Variants in SLC2A10 observed in about 807,000 individuals in gnomAD.
The protein encoded by SLC2A10 is solute carrier family 2, facilitated glucose transporter member 10.
A neutral mutation model predicts 32.1 loss-of-function variants in SLC2A10; 25 were observed. That is an observed-to-expected ratio of 0.78 (90% CI 0.57 to 1.09). The LOEUF (loss-of-function observed/expected upper bound fraction) is 1.09, where lower values mean the gene tolerates loss of function less well. SLC2A10 is among the 50% of genes least tolerant of loss of function. SLC2A10 has a pLI of 0.00. For missense variants in SLC2A10, 673 were observed against 686.5 expected, an observed-to-expected ratio of 0.98 and a Z score of 0.22; for synonymous variants, 332 against 309.6, an observed-to-expected ratio of 1.07 and a Z score of -0.76.
chr20:46,731,248 A>T (rs1376120797), intron 4 of SLC2A10, among the ~76,000 whole-genome samples: 1 of 151,986 alleles, frequency 6.6e-6, no homozygotes, highest in African/African-American at 2.4e-5. Flanking sequence ...TGGCCTAAGG[A>T]GGTGCACCCC....
intron 1 of SLC2A10, among the ~76,000 whole-genome samples, chr20:46,712,665 T>C (rs905043094): frequency 9.0e-5 from 13 of 144,058 alleles, no homozygotes; most frequent in African/African-American, 3.1e-4. Flanking sequence ...TTTTTTTTTT[T>C]TTTTTTTTGA....
At chr20:46,727,316 C>CTTTTTAA (rs1980030142) in intron 3 of SLC2A10, among the ~76,000 whole-genome samples, 1 of 152,070 alleles carries the variant, frequency 6.6e-6, no homozygotes, top group Non-Finnish European at 1.5e-5. Context: ...CTTTTCTTTT[C>CTTTTTAA]TTTTTAATTT....
intron 1 of SLC2A10, among the ~76,000 whole-genome samples, chr20:46,716,616 G>A (rs1311926763): frequency 6.6e-6 from 1 of 151,938 alleles, no homozygotes; most frequent in Non-Finnish European, 1.5e-5. Flanking sequence ...ATTTAAGTGT[G>A]TGAATTAAAA....
intron 1 of SLC2A10, among the ~76,000 whole-genome samples, chr20:46,716,089 C>A (rs1339456617): frequency 2.0e-5 from 3 of 152,054 alleles, no homozygotes; most frequent in African/African-American, 7.2e-5. Context: ...CTTTACCCCC[C>A]TGATGATCAC....
chr20:46,726,180 G>C lies in SLC2A10; in HGVS notation c.1144G>C (p.Asp382His). The change falls in exon 2 of 5, where the codon GAC (aspartate) becomes CAC (histidine). Residue 382 changes from aspartate to histidine, a missense_variant. Coordinates refer to ENST00000359271, the MANE Select transcript of SLC2A10 (RefSeq NM_030777.4). ...AACCAAGCCCCATCCCAGATCTGGA[G>C]ACCCCTCAGCCCCTCCTCGGCTGGC... is the stretch of plus-strand genomic sequence containing the variant. ...KKTKPHPRSG[D>H]PSAPPRLALS... 1 of 1,614,244 alleles carries C rather than the reference G, an allele frequency of 6.2e-7. No homozygotes were observed. Among genetic ancestry groups the C allele is most frequent in the Non-Finnish European group, 8.5e-7 (1 of 1,180,042 alleles).
chr20:46,727,006 G>C lies in SLC2A10; in HGVS notation c.1411+20G>C. 1.2e-6 allele frequency: 2 copies of C among 1,614,212 alleles called. No homozygotes were observed. Among genetic ancestry groups the C allele is most frequent in the Non-Finnish European group, 1.7e-6 (2 of 1,180,038 alleles). ...TCATTGGTGAGTCCTTCCCAGACAA[G>C]TCCGTTTTTTTTCTGTGGCCCAAGC... On this transcript the variant is annotated intron_variant, in intron 3 of 4. Transcript: ENST00000359271.
At chr20:46,720,355 C>A (rs1413451381) in intron 1 of SLC2A10, among the ~76,000 whole-genome samples, 9 of 152,208 alleles carry the variant, frequency 5.9e-5, no homozygotes, top group African/African-American at 2.2e-4. Context: ...AAGCCTCTCA[C>A]ATTCTTACAT....
chr20:46,715,603 G>A (rs1317455815), intron 1 of SLC2A10, among the ~76,000 whole-genome samples: 1 of 152,198 alleles, frequency 6.6e-6, no homozygotes, highest in Non-Finnish European at 1.5e-5. Context: ...TTGGAAGGTA[G>A]GAGTGGCAGG....
intron 3 of SLC2A10, among the ~76,000 whole-genome samples, chr20:46,728,604 G>GTTTTTTTTT (rs778644499): frequency 3.0e-5 from 3 of 101,352 alleles, no homozygotes; most frequent in Non-Finnish European, 3.9e-5. Context: ...TTCTGGGTGT[G>GTTTTTTTTT]TTTTTTTTTT....
chr20:46,727,073 T>A, intron 3 of SLC2A10, 87 bp downstream of exon 3: 1 of 1,479,974 alleles, frequency 6.8e-7, no homozygotes, highest in Non-Finnish European at 9.4e-7. Context: ...TCCTATGTAT[T>A]AGCTGCAGAA....
chr20:46,709,731 C>T lies in SLC2A10; in HGVS notation c.-6C>T, dbSNP rs1287978548. Reference sequence around the variant, plus strand: ...GCCCCCAGCACGCCGCCGAGTCCCGCTCGCCATGGGTAAGTCCCGATCGGG... The same window carrying T: ...GCCCCCAGCACGCCGCCGAGTCCCGTTCGCCATGGGTAAGTCCCGATCGGG... On this transcript the variant is annotated 5_prime_UTR_variant, in exon 1 of 5. Coordinates refer to ENST00000359271, the MANE Select transcript of SLC2A10 (RefSeq NM_030777.4). 4 of 1,546,494 alleles carry T rather than the reference C, an allele frequency of 2.6e-6. No individual in the cohort carries two copies. Among genetic ancestry groups the T allele is most frequent in the Admixed American group, 2.0e-5 (1 of 50,916 alleles).
intron 2 of SLC2A10, 66 bp downstream of exon 2, chr20:46,726,390 C>A (rs886251050): frequency 3.6e-5 from 57 of 1,573,766 alleles, no homozygotes; most frequent in Non-Finnish European, 4.7e-5. Flanking sequence ...AGTTTGGGGA[C>A]TTCCCACCCT....
chr20:46,717,984 G>A (rs1287879030), intron 1 of SLC2A10, among the ~76,000 whole-genome samples: 2 of 152,148 alleles, frequency 1.3e-5, no homozygotes, highest in Non-Finnish European at 2.9e-5. Context: ...CACTTTGGGA[G>A]GCCTAGGCAG....
In SLC2A10 at chr20:46,733,901, T is replaced by C. The variant is rs1980434981; in HGVS notation, c.*67T>C. 1 of 1,481,860 alleles carries C rather than the reference T, an allele frequency of 6.7e-7. No homozygotes were observed. The highest frequency in any genetic ancestry group is 9.4e-7 in the Non-Finnish European group (1 of 1,066,666). 91.8% of individuals were successfully genotyped at this position (1,481,860 alleles called of 1,614,324 possible). On this transcript the variant is annotated 3_prime_UTR_variant, in exon 5 of 5. Coordinates refer to ENST00000359271, the MANE Select transcript of SLC2A10 (RefSeq NM_030777.4). Reference sequence around the variant, plus strand: ...AGACCATCTCCAGCATCCTGCTTCCTAGGCCCCAGAGCACAAGTTCCAGCT... The same window carrying C: ...AGACCATCTCCAGCATCCTGCTTCCCAGGCCCCAGAGCACAAGTTCCAGCT...
upstream of SLC2A10, among the ~76,000 whole-genome samples, chr20:46,709,157 T>C (rs1294513540): frequency 6.6e-6 from 1 of 152,162 alleles, no homozygotes; most frequent in Non-Finnish European, 1.5e-5. Flanking sequence ...TAGTGCCTGG[T>C]ATGTGGTGGT....
Position 46,736,242 on chromosome 20 carries a change from A to G in SLC2A10, c.*2408A>G, listed in dbSNP as rs1259554746. 6.6e-6 allele frequency: 1 copy of G among 152,102 alleles called. No homozygotes were observed. Among genetic ancestry groups the G allele is most frequent in the Admixed American group, 6.5e-5 (1 of 15,268 alleles). 9.4% of individuals were successfully genotyped at this position (152,102 alleles called of 1,614,324 possible). A position where few individuals can be genotyped will look rare whatever the true frequency, so the allele number is the denominator to read the frequency against. ...TATCTCTGTAAAATTTATACACACAAAAATTAACAAAAGATTCTGTAAGAA... is the reference window on the plus strand; with the variant it reads ...TATCTCTGTAAAATTTATACACACAGAAATTAACAAAAGATTCTGTAAGAA... On this transcript the variant is annotated 3_prime_UTR_variant, in exon 5 of 5. Coordinates refer to ENST00000359271, the MANE Select transcript of SLC2A10 (RefSeq NM_030777.4).
intron 4 of SLC2A10, among the ~76,000 whole-genome samples, chr20:46,732,803 A>C (rs910502571): frequency 9.9e-5 from 15 of 152,146 alleles, no homozygotes; most frequent in African/African-American, 3.4e-4. Flanking sequence ...CTGGAATTAC[A>C]AGAAAAAGTC....
At chr20:46,715,852 G>A (rs900836133) in intron 1 of SLC2A10, among the ~76,000 whole-genome samples, 8 of 152,030 alleles carry the variant, frequency 5.3e-5, no homozygotes, top group African/African-American at 1.9e-4. Flanking sequence ...TTATTTTAGA[G>A]TCAGGGTCTC....
At chr20:46,713,430 G>A (rs1979044633) in intron 1 of SLC2A10, among the ~76,000 whole-genome samples, 1 of 151,992 alleles carries the variant, frequency 6.6e-6, no homozygotes, top group African/African-American at 2.4e-5. Context: ...TGTTGGCATG[G>A]AGGGACAGGA....
Sources: allele counts gnomAD v4.1 joint callset (sites outside exome capture counted in the v4.1 genomes callset), GRCh38; gene constraint gnomAD v4.1.1; transcripts MANE v1.5; gene names NCBI Gene and HGNC (gene_info 2026-07-23, HGNC 2026-07-21).